Variants in USP26 observed in about 807,000 individuals in gnomAD.
USP26 encodes the protein ubiquitin carboxyl-terminal hydrolase 26.
For synonymous variants in USP26, 236 were observed against 240.6 expected, an observed-to-expected ratio of 0.98 and a Z score of 0.18; for missense variants, 649 against 642.3, an observed-to-expected ratio of 1.01 and a Z score of -0.11.
chrX:133,055,232 T>G (rs1426343968), intron 5 of USP26, among the ~76,000 whole-genome samples: 1 of 111,791 alleles, frequency 8.9e-6, no homozygotes, highest in Non-Finnish European at 1.9e-5. Flanking sequence ...ATGTAGTTAA[T>G]TATACACAGC....
intron 5 of USP26, among the ~76,000 whole-genome samples, chrX:133,062,140 G>A (rs2067495887): frequency 9.0e-6 from 1 of 111,366 alleles, no homozygotes; most frequent in Non-Finnish European, 1.9e-5. Flanking sequence ...GTAAGGACTG[G>A]GTGGAACTCA....
At chrX:133,092,504 G>A (rs980612192) in intron 1 of USP26, among the ~76,000 whole-genome samples, 4 of 112,138 alleles carry the variant, frequency 3.6e-5, no homozygotes, top group Non-Finnish European at 7.5e-5. Context: ...ACGAATAATT[G>A]CAACCATTAA....
chrX:133,092,015 T>C (rs558789142), intron 1 of USP26, among the ~76,000 whole-genome samples: 1 of 111,785 alleles, frequency 8.9e-6, no homozygotes. Flanking sequence ...CTCATTTTGG[T>C]GGATGGCTGG....
At position 133,026,221 on chromosome X, in the gene USP26, C is replaced by A. The variant is rs1168779437; in HGVS notation, c.2000G>T (p.Cys667Phe). The part of the protein sequence containing the change: ...LMTYLEDTSL[C>F]QFHKAGGKPA... ...TTTACCTCCAGCTTTGTGGAACTGA[C>A]AAAGTGAGGTATCTTCCAGATACGT... The change falls in exon 6 of 6, where the codon TGT becomes TTT. Residue 667 changes from cysteine to phenylalanine, a missense_variant. Transcript: ENST00000511190. 1 of 1,210,457 alleles carries A rather than the reference C, an allele frequency of 8.3e-7. No individual in the cohort carries two copies. Among genetic ancestry groups the A allele is most frequent in the East Asian group, 3.0e-5 (1 of 33,753 alleles).
chrX:133,067,864 A>G (rs1370540950), intron 5 of USP26, among the ~76,000 whole-genome samples: 1 of 111,967 alleles, frequency 8.9e-6, no homozygotes, highest in African/African-American at 3.2e-5. Context: ...CATTCAGCAC[A>G]TGTATCCCAG....
rs2067338197 is a variant in USP26, at chrX:133,024,848, C to T, written c.*631G>A. On this transcript the variant is annotated 3_prime_UTR_variant, in exon 6 of 6. Coordinates refer to ENST00000511190, the MANE Select transcript of USP26 (RefSeq NM_031907.3). ...ACCCCAAGTTTCTGAATCAGTAGGTCTACAGTGGAACCCAAGATTTTGCAT... is the reference window on the plus strand; with the variant it reads ...ACCCCAAGTTTCTGAATCAGTAGGTTTACAGTGGAACCCAAGATTTTGCAT... 8.9e-6 allele frequency: 1 copy of T among 112,584 alleles called. No individual in the cohort carries two copies. Among genetic ancestry groups the T allele is most frequent in the Non-Finnish European group, 1.8e-5 (1 of 54,369 alleles). 9.3% of individuals were successfully genotyped at this position (112,584 alleles called of 1,213,427 possible).
intron 5 of USP26, among the ~76,000 whole-genome samples, chrX:133,072,854 C>G (rs2067535034): frequency 2.7e-5 from 3 of 112,136 alleles, no homozygotes; most frequent in African/African-American, 9.7e-5. Flanking sequence ...AGCCTGTGAA[C>G]ACAGACTGGC....
At chrX:133,055,805 G>A (rs955870431) in intron 5 of USP26, among the ~76,000 whole-genome samples, 1 of 111,648 alleles carries the variant, frequency 9.0e-6, no homozygotes, top group African/African-American at 3.3e-5. Context: ...TTCTTGGTGT[G>A]TATGTACGTA....
Position 133,027,930 on chromosome X carries a change from G to A in USP26, c.291C>T (p.Phe97=). Residue 97 remains phenylalanine, a synonymous_variant, in exon 6 of 6, where the codon TTC becomes TTT. Coordinates refer to ENST00000511190, the MANE Select transcript of USP26 (RefSeq NM_031907.3). ...CCTCGTTTTGATGAACTCTGTCCAAGAATATCTTCAATTGTTCAGCATCTG... is the reference window on the plus strand; with the variant it reads ...CCTCGTTTTGATGAACTCTGTCCAAAAATATCTTCAATTGTTCAGCATCTG... ...SSTDAEQLKI[F]LDRVHQNEVQ... The A allele has an allele frequency of 3.3e-6, 4 of 1,211,015 alleles. No individual in the cohort carries two copies. Among genetic ancestry groups the A allele is most frequent in the Non-Finnish European group, 4.5e-6 (4 of 895,051 alleles).
chrX:133,044,910 T>C (rs931212693), intron 5 of USP26, among the ~76,000 whole-genome samples: 2 of 112,946 alleles, frequency 1.8e-5, no homozygotes, highest in Non-Finnish European at 3.7e-5. Context: ...CAATCAGCAC[T>C]CTGTGTCTAG....
At position 133,027,240 on chromosome X, in the gene USP26, ACT is replaced by A. The variant is rs1202235081; in HGVS notation, c.979_980del (p.Ser327PhefsTer5). 8.3e-7 allele frequency: 1 copy of A among 1,210,901 alleles called. No homozygotes were observed. Among genetic ancestry groups the A allele is most frequent in the Admixed American group, 2.2e-5 (1 of 45,965 alleles). ...PSFADDLLNQ[S>X]FPWGKIPLNA... ...TAAGGGGAATTTTACCCCATGGGAA[ACT>A]CTGATTAAGTAAATCATCAGCAAAC... On this transcript the variant is annotated frameshift_variant, in exon 6 of 6. Transcript: ENST00000511190. LOFTEE classifies it low-confidence loss of function (END_TRUNC).
chrX:133,030,764 T>C (rs1393562466), intron 5 of USP26, among the ~76,000 whole-genome samples: 1 of 112,427 alleles, frequency 8.9e-6, no homozygotes, highest in Admixed American at 9.4e-5. Context: ...TCCCAAAGTG[T>C]ACATTACCAA....
chrX:133,025,747 C>T lies in USP26; in HGVS notation c.2474G>A (p.Arg825Gln), dbSNP rs1161749506. The change falls in exon 6 of 6, where the codon CGG becomes CAG. Residue 825 changes from arginine (R) to glutamine (Q), a missense_variant. Physicochemically the swap from Arg to Gln is conservative, Grantham distance 43 (BLOSUM62 1). Transcript: ENST00000511190. ...AAGATGGCTGACAACACTAATGAGC[C>T]GGTAGGTATGATCTCCCTTATCATC... ...RNDDKGDHTYRLISVVSHLGK... is the reference protein window; with the variant it reads ...RNDDKGDHTYQLISVVSHLGK... 13 of 1,208,002 alleles carry T rather than the reference C, an allele frequency of 1.1e-5. No homozygotes were observed. The highest frequency in any genetic ancestry group is 3.5e-5 in the African/African-American group (2 of 57,073).
chrX:133,092,643 G>A (rs181329731), intron 1 of USP26, among the ~76,000 whole-genome samples: 1 of 111,806 alleles, frequency 8.9e-6, no homozygotes, highest in Admixed American at 9.6e-5. Flanking sequence ...TTCTATGGGC[G>A]AAGTGGACAT....
At chrX:133,042,291 C>T (rs180851623) in intron 5 of USP26, among the ~76,000 whole-genome samples, 43 of 111,390 alleles carry the variant, frequency 3.9e-4, no homozygotes, top group African/African-American at 1.4e-3. Flanking sequence ...TCAGTGTCTG[C>T]CCAAACAGCC....
intron 5 of USP26, among the ~76,000 whole-genome samples, chrX:133,041,813 C>A (rs1304020751): frequency 8.9e-6 from 1 of 112,189 alleles, no homozygotes; most frequent in Non-Finnish European, 1.9e-5. Context: ...GTGCCCACAG[C>A]CACCCTTCCT....
At position 133,091,343 on chromosome X, in the gene USP26, A is replaced by C. The variant is rs1297597560; in HGVS notation, c.-302+10T>G. 9.0e-6 allele frequency: 1 copy of C among 111,287 alleles called. No homozygotes were observed. Among genetic ancestry groups the C allele is most frequent in the East Asian group, 2.8e-4 (1 of 3,540 alleles). The allele number at this position is 111,287 out of a possible 1,213,427, so 9.2% of individuals were successfully genotyped here. ...GCTTTCAAATTACCTTCAGACCCAT[A>C]TTCTCATACCTGAAACAAAGGCACC... On this transcript the variant is annotated intron_variant, in intron 2 of 5. Coordinates refer to ENST00000511190, the MANE Select transcript of USP26 (RefSeq NM_031907.3).
rs201919616 is a variant in USP26, at chrX:133,052,460, G to GA, written c.-76-24165dup. 9.4e-3 allele frequency among the ~76,000 whole-genome samples: 1,046 copies of GA among 111,661 alleles called. 7 individuals are homozygous for GA. Among genetic ancestry groups the GA allele is most frequent in the Middle Eastern group, 0.052 (11 of 213 alleles). ...TGTGTTTGTGACTACCGAAAAGGTG[G>GA]AAAAAAAAGTAAAATTGGATTTTTA... On this transcript the variant is annotated intron_variant, in intron 5 of 5. Transcript: ENST00000511190.
intron 5 of USP26, among the ~76,000 whole-genome samples, chrX:133,030,304 C>T (rs1224813400): frequency 9.0e-6 from 1 of 111,397 alleles, no homozygotes; most frequent in Non-Finnish European, 1.9e-5. Flanking sequence ...GATTTGGAGG[C>T]ATGATCTATG....
Sources: allele counts gnomAD v4.1 joint callset (sites outside exome capture counted in the v4.1 genomes callset), GRCh38; gene constraint gnomAD v4.1.1; transcripts MANE v1.5; gene names NCBI Gene and HGNC (gene_info 2026-07-23, HGNC 2026-07-21).